Variants in PCDHGB2 observed in about 807,000 individuals in gnomAD.
The protein encoded by PCDHGB2 is protocadherin gamma-B2.
A neutral mutation model predicts 59.3 loss-of-function variants in PCDHGB2; 55 were observed. That is an observed-to-expected ratio of 0.93 (90% CI 0.75 to 1.16). The LOEUF (loss-of-function observed/expected upper bound fraction) is 1.16, where lower values mean the gene tolerates loss of function less well. Ranked by LOEUF, PCDHGB2 falls within the 50% of genes most tolerant of loss-of-function variation. The pLI, the probability that PCDHGB2 is intolerant of heterozygous loss-of-function variation, is 0.00. For synonymous variants in PCDHGB2, 516 were observed against 512.0 expected (o/e 1.01, Z -0.11); for missense variants, 1,228 against 1,198.5 (o/e 1.02, Z -0.36).
intron 1 of PCDHGB2, chr5:141,396,605 G>A (rs2093403616): frequency 6.6e-6 from 1 of 151,594 alleles, no homozygotes; most frequent in Non-Finnish European, 1.5e-5. Flanking sequence ...GGGCAACAGG[G>A]TGAGACTCCG....
intron 1 of PCDHGB2, among the ~76,000 whole-genome samples, chr5:141,401,348 A>G (rs1312849099): frequency 2.0e-5 from 3 of 152,220 alleles, no homozygotes; most frequent in African/African-American, 4.8e-5. Flanking sequence ...ATCTCAAAAA[A>G]AAGGAAGGAG....
chr5:141,378,083 A>G (rs1774605949), intron 1 of PCDHGB2: 2 of 152,174 alleles, frequency 1.3e-5, no homozygotes, highest in South Asian at 4.1e-4. Context: ...TAATTTTATA[A>G]CTTTTTTTCA....
At chr5:141,435,435 T>G (rs2097763289) in intron 1 of PCDHGB2, among the ~76,000 whole-genome samples, 1 of 152,212 alleles carries the variant, frequency 6.6e-6, no homozygotes. Context: ...TGTTATGCAT[T>G]TCATTAATAC....
intron 1 of PCDHGB2, among the ~76,000 whole-genome samples, chr5:141,468,165 A>T (rs1249592462): frequency 1.3e-5 from 2 of 151,940 alleles, no homozygotes; most frequent in Non-Finnish European, 2.9e-5. Flanking sequence ...TCTCTGCTAA[A>T]AATAGAAAAA....
chr5:141,384,221 AG>A, intron 1 of PCDHGB2: 1 of 1,613,936 alleles, frequency 6.2e-7, no homozygotes. Flanking sequence ...ATATTCATGC[AG>A]GTGGCAGACA....
chr5:141,462,253 A>C (rs7717600), intron 1 of PCDHGB2, among the ~76,000 whole-genome samples: 42,489 of 152,124 alleles, frequency 0.28, 6,669 homozygotes, highest in African/African-American at 0.43. Context: ...AGCCACCATG[A>C]CCAGCCTAAA....
chr5:141,444,152 A>AT (rs747671382), intron 1 of PCDHGB2, among the ~76,000 whole-genome samples: 1,130 of 33,890 alleles, frequency 0.033, 460 homozygotes, highest in Non-Finnish European at 0.038. Flanking sequence ...TGTGTACTGG[A>AT]TTTTTTTTTT....
chr5:141,404,995 T>G (rs1561697585), intron 1 of PCDHGB2: 1 of 1,614,008 alleles, frequency 6.2e-7, no homozygotes, highest in Non-Finnish European at 8.5e-7. Flanking sequence ...TTCAGATCCC[T>G]GCAGACCTGG....
At chr5:141,484,315 C>T (rs1172379949) in intron 1 of PCDHGB2, among the ~76,000 whole-genome samples, 2 of 152,326 alleles carry the variant, frequency 1.3e-5, no homozygotes, top group African/African-American at 4.8e-5. Context: ...ACCCCGCTTC[C>T]ATACTGTCCT....
At chr5:141,410,715 G>C (rs1237496496) in intron 1 of PCDHGB2, 1 of 1,422,664 alleles carries the variant, frequency 7.0e-7, no homozygotes, top group Non-Finnish European at 9.4e-7. Context: ...AGAATCATAT[G>C]TTTAAAATCC....
intron 1 of PCDHGB2, among the ~76,000 whole-genome samples, chr5:141,368,345 A>G (rs1765594153): frequency 6.6e-6 from 1 of 152,166 alleles, no homozygotes; most frequent in South Asian, 2.1e-4. Context: ...ATATACATAT[A>G]CACACACATA....
Position 141,489,765 on chromosome 5 carries a change from C to A in PCDHGB2, c.2422-5042C>A. On this transcript the variant is annotated intron_variant, in intron 1 of 3. Transcript: ENST00000522605. The surrounding 1 kb of genome is among the most constrained non-coding windows in gnomAD (Gnocchi z 4.5). ...TGAGCTTTTACACTCTAAGCCCCAA[C>A]AGCCACTTCTCTCTGAATGTGAAGA... 2.5e-6 allele frequency: 4 copies of A among 1,614,174 alleles called. No individual in the cohort carries two copies. The highest frequency in any genetic ancestry group is 3.4e-6 in the Non-Finnish European group (4 of 1,179,992).
chr5:141,419,065 C>G (rs763008753), intron 1 of PCDHGB2: 2 of 1,613,786 alleles, frequency 1.2e-6, no homozygotes, highest in South Asian at 2.2e-5. Context: ...ATAATTACTA[C>G]AAGCTAGTAA....
intron 1 of PCDHGB2, among the ~76,000 whole-genome samples, chr5:141,368,478 A>G (rs1328792459): frequency 2.0e-5 from 3 of 152,318 alleles, no homozygotes; most frequent in Middle Eastern, 3.4e-3. Flanking sequence ...CCAAAGAGTA[A>G]CAAGAGAATC....
At chr5:141,394,016 T>C in intron 1 of PCDHGB2, 1 of 1,613,452 alleles carries the variant, frequency 6.2e-7, no homozygotes, top group Non-Finnish European at 8.5e-7. Context: ...TAGGTAATTA[T>C]TATAGATTAG....
intron 1 of PCDHGB2, chr5:141,367,050 A>C (rs1056212964): frequency 1.2e-5 from 4 of 330,762 alleles, no homozygotes; most frequent in African/African-American, 2.2e-5. Context: ...TTAATAGAAA[A>C]GATGTTTTAT....
At chr5:141,419,901 C>A (rs2096446114) in intron 1 of PCDHGB2, 5 of 1,614,108 alleles carry the variant, frequency 3.1e-6, no homozygotes, top group Non-Finnish European at 4.2e-6. Flanking sequence ...CATCCCACAC[C>A]CTCTGACTCC....
At chr5:141,393,671 A>G in intron 1 of PCDHGB2, 1 of 1,613,944 alleles carries the variant, frequency 6.2e-7, no homozygotes, top group Non-Finnish European at 8.5e-7. Flanking sequence ...AAATTAATGA[A>G]AAACAAACTC....
chr5:141,362,365 A>G lies in PCDHGB2; in HGVS notation c.2230A>G (p.Ser744Gly). Residue 744 changes from serine (S) to glycine (G), a missense_variant, in exon 1 of 4, where the codon AGT becomes GGT. By Grantham distance (56) the Ser-to-Gly change is moderately conservative. Around this residue, in one of 3 missense-constraint regions of PCDHGB2, gnomAD observed 433 missense variants for 441.8 expected, o/e 0.98. Coordinates refer to ENST00000522605, the MANE Select transcript of PCDHGB2 (RefSeq NM_018923.3). ...KPGPGVLPNY[S>G]EGTLPYSYNL... ...TGGACCTGGGGTTCTCCCCAATTAC[A>G]GTGAGGGTACATTGCCCTATTCCTA... 2.5e-6 allele frequency: 4 copies of G among 1,614,014 alleles called. No individual in the cohort carries two copies. Among genetic ancestry groups the G allele is most frequent in the South Asian group, 1.1e-5 (1 of 91,082 alleles).
Sources: gnomAD v4.1 joint callset for allele counts (sites outside exome capture counted in the v4.1 genomes callset) on GRCh38, gnomAD v4.1.1 for gene constraint, gnomAD v4.1.1 regional missense constraint, Gnocchi (gnomAD v3.1) non-coding constraint, MANE v1.5 for transcripts, NCBI Gene and HGNC (gene_info 2026-07-23, HGNC 2026-07-21) for gene names.